Variants in AUTS2 observed in about 807,000 individuals in gnomAD.
The protein encoded by AUTS2 is autism susceptibility gene 2 protein.
Under a neutral mutation model 112.4 loss-of-function variants are expected in AUTS2, and 17 were observed. The observed-to-expected ratio is 0.15, with a 90% CI of 0.10 to 0.23. The LOEUF is 0.23. AUTS2 is among the 10% of genes least tolerant of loss of function. AUTS2 has a pLI of 1.00. For missense variants in AUTS2, 1,510 were observed against 1,701.6 expected (o/e 0.89, Z 1.98); for synonymous variants, 751 against 702.7 (o/e 1.07, Z -1.09).
intron 4 of AUTS2, among the ~76,000 whole-genome samples, chr7:70,430,134 A>G (rs1159587457): frequency 1.3e-5 from 2 of 152,186 alleles, no homozygotes; most frequent in African/African-American, 4.8e-5. Flanking sequence ...AGAAAGCAGA[A>G]TCAATAACGT....
intron 2 of AUTS2, among the ~76,000 whole-genome samples, chr7:70,094,376 G>C (rs1395919034): frequency 1.3e-5 from 2 of 152,218 alleles, no homozygotes; most frequent in African/African-American, 2.4e-5. Flanking sequence ...AGTTCCTGCT[G>C]CTACAGGCTG....
At chr7:70,601,807 T>G (rs1196122165) in intron 5 of AUTS2, among the ~76,000 whole-genome samples, 1 of 152,174 alleles carries the variant, frequency 6.6e-6, no homozygotes, top group Admixed American at 6.5e-5. Flanking sequence ...TTCACCAGCC[T>G]CAGCAAGGTG....
intron 4 of AUTS2, among the ~76,000 whole-genome samples, chr7:70,189,845 C>T (rs1432794659): frequency 6.6e-6 from 1 of 152,046 alleles, no homozygotes; most frequent in Non-Finnish European, 1.5e-5. Context: ...CATTGACTAT[C>T]GTTAGCCACT....
At chr7:70,032,217 A>G (rs898030423) in intron 2 of AUTS2, among the ~76,000 whole-genome samples, 3 of 152,190 alleles carry the variant, frequency 2.0e-5, no homozygotes, top group Admixed American at 1.3e-4. Context: ...CCAATGTACT[A>G]TAAAGTATAC....
At chr7:70,089,501 AT>A (rs567757959) in intron 2 of AUTS2, among the ~76,000 whole-genome samples, 1 of 151,468 alleles carries the variant, frequency 6.6e-6, no homozygotes, top group Non-Finnish European at 1.5e-5. Flanking sequence ...TTTAGAGTCC[AT>A]TTTTTTTAAG....
chr7:70,745,154 A>C (rs1788375993), intron 6 of AUTS2, among the ~76,000 whole-genome samples: 1 of 151,932 alleles, frequency 6.6e-6, no homozygotes, highest in Admixed American at 6.6e-5. Flanking sequence ...TCCCGATTGT[A>C]TTTCACTATC....
intron 1 of AUTS2, among the ~76,000 whole-genome samples, chr7:69,847,832 TC>T (rs1792278760): frequency 6.6e-6 from 1 of 152,204 alleles, no homozygotes; most frequent in African/African-American, 2.4e-5. Flanking sequence ...ACCTGGCACT[TC>T]ATCTGTCGCC....
intron 4 of AUTS2, among the ~76,000 whole-genome samples, chr7:70,359,863 T>C (rs1792180136): frequency 6.6e-6 from 1 of 152,228 alleles, no homozygotes; most frequent in South Asian, 2.1e-4. Flanking sequence ...TCTATTGTGC[T>C]GCTACCCAAA....
chr7:70,062,087 C>T (rs1010812607), intron 2 of AUTS2, among the ~76,000 whole-genome samples: 1 of 151,858 alleles, frequency 6.6e-6, no homozygotes, highest in Admixed American at 6.6e-5. Flanking sequence ...TGTGCCCAGC[C>T]GAGTTGTTTC....
At chr7:70,298,108 T>C (rs113299613) in intron 4 of AUTS2, among the ~76,000 whole-genome samples, 2,090 of 152,158 alleles carry the variant, frequency 0.014, 65 homozygotes, top group African/African-American at 0.048. Flanking sequence ...GTCAGCTCAC[T>C]GCAACCTCTG....
At chr7:70,667,271 T>C (rs1049296148) in intron 5 of AUTS2, among the ~76,000 whole-genome samples, 2 of 152,210 alleles carry the variant, frequency 1.3e-5, no homozygotes, top group African/African-American at 4.8e-5. Context: ...TCATTTATAA[T>C]GCATTTATTA....
chr7:70,509,154 T>G (rs965992991), intron 5 of AUTS2, among the ~76,000 whole-genome samples: 2 of 152,246 alleles, frequency 1.3e-5, no homozygotes, highest in Non-Finnish European at 1.5e-5. Flanking sequence ...TAAGTGCCAT[T>G]ACTTCATTCA....
chr7:70,329,418 C>A (rs936315184), intron 4 of AUTS2, among the ~76,000 whole-genome samples: 19 of 152,222 alleles, frequency 1.2e-4, no homozygotes, highest in Middle Eastern at 3.4e-3. Context: ...GTTCCAGTGA[C>A]TCCACATCAC....
intron 2 of AUTS2, among the ~76,000 whole-genome samples, chr7:69,968,737 C>T (rs369601505): frequency 2.5e-4 from 38 of 151,942 alleles, no homozygotes; most frequent in Non-Finnish European, 4.4e-4. Flanking sequence ...GAAAATTGTG[C>T]GACTGTCTTT....
intron 5 of AUTS2, among the ~76,000 whole-genome samples, chr7:70,496,551 G>GAC (rs1409475545): frequency 1.1e-4 from 3 of 26,242 alleles, no homozygotes; most frequent in African/African-American, 3.2e-4. Context: ...TACACAGTCA[G>GAC]ACACACACAC....
chr7:69,963,002 G>A (rs1037031664), intron 2 of AUTS2, among the ~76,000 whole-genome samples: 11 of 152,154 alleles, frequency 7.2e-5, no homozygotes, highest in Non-Finnish European at 1.5e-4. Flanking sequence ...GAAATGATGT[G>A]TTCCAACTAC....
intron 1 of AUTS2, among the ~76,000 whole-genome samples, chr7:69,657,060 C>T (rs1795573259): frequency 6.6e-6 from 1 of 152,156 alleles, no homozygotes; most frequent in South Asian, 2.1e-4. Flanking sequence ...GGCTGCCTGC[C>T]GTTCATCTTG....
chr7:70,001,696 A>G lies in AUTS2; in HGVS notation c.522+102198A>G, dbSNP rs1416861367. 2.6e-5 allele frequency among the ~76,000 whole-genome samples: 4 copies of G among 151,332 alleles called. No homozygotes were observed. The East Asian group carries it at 7.8e-4, about 29-fold the overall frequency. ...AAGGCTCCTGATGCAATTGAATTAT[A>G]GCCTCATTGTCATATTTTTTTTTTT... On this transcript the variant is annotated intron_variant, in intron 2 of 18. Coordinates refer to ENST00000342771, the MANE Select transcript of AUTS2 (RefSeq NM_015570.4).
intron 5 of AUTS2, among the ~76,000 whole-genome samples, chr7:70,503,547 C>A (rs1208690729): frequency 8.1e-6 from 1 of 123,870 alleles, no homozygotes; most frequent in African/African-American, 3.1e-5. Flanking sequence ...GAGATAGATT[C>A]TCTCTCTGTT....
Sources: allele counts gnomAD v4.1 joint callset (sites outside exome capture counted in the v4.1 genomes callset), GRCh38; gene constraint gnomAD v4.1.1; transcripts MANE v1.5; gene names NCBI Gene and HGNC (gene_info 2026-07-23, HGNC 2026-07-21).